The following SLIT3 variants were observed in gnomAD, a reference collection of about 807,000 sequenced individuals.
SLIT3 encodes the protein slit homolog 3 protein.
A neutral mutation model predicts 184.0 loss-of-function variants in SLIT3; 68 were observed. That is an observed-to-expected ratio of 0.37 (90% CI 0.30 to 0.45). The LOEUF is 0.45. Ranked by LOEUF, SLIT3 falls within the 20% of genes least tolerant of loss-of-function variation. The probability of loss-of-function intolerance (pLI) is 1.00; values close to 1 mark genes in which losing one functional copy is unlikely to be tolerated. For missense variants in SLIT3, 1,707 were observed against 2,026.0 expected (o/e 0.84, Z 3.02); for synonymous variants, 831 against 828.6 (o/e 1.00, Z -0.05).
At chr5:168,673,132 A>G in intron 33 of SLIT3, 45 bp downstream of exon 33, 1 of 1,600,016 alleles carries the variant, frequency 6.2e-7, no homozygotes, top group Non-Finnish European at 8.6e-7. Flanking sequence ...ACTGGAGCAC[A>G]GAGGGCCAGA....
At chr5:168,884,515 AC>A (rs1302849586) in intron 4 of SLIT3, among the ~76,000 whole-genome samples, 3 of 89,076 alleles carry the variant, frequency 3.4e-5, no homozygotes, top group Admixed American at 1.4e-4. Flanking sequence ...TAAAAAAAAA[AC>A]GTTGCAGATC....
chr5:169,114,878 C>A (rs745984283), intron 4 of SLIT3, among the ~76,000 whole-genome samples: 1 of 152,192 alleles, frequency 6.6e-6, no homozygotes, highest in East Asian at 1.9e-4. Flanking sequence ...TAAAAGAACA[C>A]GATGGCAATT....
chr5:169,082,780 T>G (rs1403104764), intron 4 of SLIT3, among the ~76,000 whole-genome samples: 1 of 152,230 alleles, frequency 6.6e-6, no homozygotes. Flanking sequence ...AGAGCCATTG[T>G]TTATCTTTCG....
chr5:168,671,889 C>G (rs1368952577), intron 33 of SLIT3, among the ~76,000 whole-genome samples: 1 of 152,106 alleles, frequency 6.6e-6, no homozygotes, highest in Non-Finnish European at 1.5e-5. Flanking sequence ...TGATCCAGGC[C>G]TCACAAGAGA....
At chr5:169,192,363 C>A (rs2113467706) in intron 4 of SLIT3, among the ~76,000 whole-genome samples, 1 of 152,200 alleles carries the variant, frequency 6.6e-6, no homozygotes, top group South Asian at 2.1e-4. Flanking sequence ...TACCAGCCAA[C>A]CCTTGCCTGT....
At chr5:169,166,924 C>T (rs979274210) in intron 4 of SLIT3, among the ~76,000 whole-genome samples, 13 of 152,028 alleles carry the variant, frequency 8.6e-5, no homozygotes, top group Admixed American at 5.9e-4. Flanking sequence ...CCACAGTGCT[C>T]GGGGAGGCTG....
At chr5:169,187,609 C>A (rs1207318820) in intron 4 of SLIT3, among the ~76,000 whole-genome samples, 1 of 147,760 alleles carries the variant, frequency 6.8e-6, no homozygotes, top group African/African-American at 2.5e-5. Flanking sequence ...AGCTAGAGTG[C>A]CGTGGCACAA....
chr5:169,096,104 A>T (rs1408042794), intron 4 of SLIT3, among the ~76,000 whole-genome samples: 2 of 152,214 alleles, frequency 1.3e-5, no homozygotes, highest in African/African-American at 4.8e-5. Flanking sequence ...AAAATATACA[A>T]TATGTTTTGC....
chr5:169,140,220 T>C (rs911822237), intron 4 of SLIT3, among the ~76,000 whole-genome samples: 1 of 149,450 alleles, frequency 6.7e-6, no homozygotes, highest in Non-Finnish European at 1.5e-5. Context: ...ATCCCAGCAC[T>C]TTGGGAGACC....
At chr5:168,942,259 C>A (rs1189079619) in intron 4 of SLIT3, among the ~76,000 whole-genome samples, 2 of 152,152 alleles carry the variant, frequency 1.3e-5, no homozygotes, top group Non-Finnish European at 2.9e-5. Context: ...CTGGGAGCCA[C>A]CATGTAAAAA....
At chr5:169,108,932 G>T (rs1760315010) in intron 4 of SLIT3, among the ~76,000 whole-genome samples, 1 of 152,174 alleles carries the variant, frequency 6.6e-6, no homozygotes, top group Non-Finnish European at 1.5e-5. Flanking sequence ...TCAGGCCTCT[G>T]TCTGTGGTGG....
intron 16 of SLIT3, among the ~76,000 whole-genome samples, chr5:168,757,735 C>T (rs762222338): frequency 6.6e-6 from 1 of 152,192 alleles, no homozygotes; most frequent in Non-Finnish European, 1.5e-5. Flanking sequence ...GTGCCCAACC[C>T]AACCCCTGTT....
intron 4 of SLIT3, among the ~76,000 whole-genome samples, chr5:169,054,045 C>T (rs954534221): frequency 3.3e-5 from 5 of 152,050 alleles, no homozygotes; most frequent in African/African-American, 1.2e-4. Flanking sequence ...GAGCCAACAT[C>T]ATGCCACTGC....
At chr5:168,857,828 G>A (rs991507818) in intron 5 of SLIT3, among the ~76,000 whole-genome samples, 1 of 152,144 alleles carries the variant, frequency 6.6e-6, no homozygotes. Context: ...AGCGCTCCAC[G>A]GAAAACCACC....
chr5:169,154,567 A>G (rs1005229443), intron 4 of SLIT3, among the ~76,000 whole-genome samples: 1 of 152,244 alleles, frequency 6.6e-6, no homozygotes, highest in Non-Finnish European at 1.5e-5. Context: ...TCTGGGTCAA[A>G]TCCCAGCCCC....
At chr5:169,016,693 T>G (rs1303004613) in intron 4 of SLIT3, among the ~76,000 whole-genome samples, 2 of 152,226 alleles carry the variant, frequency 1.3e-5, no homozygotes, top group Non-Finnish European at 2.9e-5. Context: ...GTTAAAGGCA[T>G]GTTAATACTC....
At chr5:169,276,491 T>C (rs1766812011) in intron 1 of SLIT3, among the ~76,000 whole-genome samples, 1 of 152,234 alleles carries the variant, frequency 6.6e-6, no homozygotes, top group African/African-American at 2.4e-5. Context: ...ATGCCCTTCA[T>C]TGGAACAAAG....
chr5:169,199,427 G>A (rs999957842), intron 3 of SLIT3, among the ~76,000 whole-genome samples: 6 of 152,130 alleles, frequency 3.9e-5, no homozygotes, highest in Non-Finnish European at 7.3e-5. Context: ...CTAATGAGAG[G>A]AATAGAGAAG....
intron 4 of SLIT3, among the ~76,000 whole-genome samples, chr5:168,966,032 AGAAGTGCCT>A (rs1763176357): frequency 6.6e-6 from 1 of 152,246 alleles, no homozygotes; most frequent in Non-Finnish European, 1.5e-5. Context: ...CATAATGTGC[AGAAGTGCCT>A]GAAGAGATGC....
Sources: allele counts gnomAD v4.1 joint callset (sites outside exome capture counted in the v4.1 genomes callset), GRCh38; gene constraint gnomAD v4.1.1; transcripts MANE v1.5; gene names NCBI Gene and HGNC (gene_info 2026-07-23, HGNC 2026-07-21).